Variants in GLE1 observed in about 807,000 individuals in gnomAD.
The protein encoded by GLE1 is GLE1 RNA export mediator, also known as mRNA export factor GLE1.
GLE1 carries 78 observed loss-of-function variants against 97.3 expected under a neutral mutation model. That is an observed-to-expected ratio of 0.80 (90% CI 0.67 to 0.97). GLE1 has a LOEUF of 0.97. Among genes scored for constraint, GLE1 ranks in the 50% least tolerant of loss-of-function variants. GLE1 has a pLI of 0.00. For synonymous variants in GLE1, 302 were observed against 313.4 expected, an observed-to-expected ratio of 0.96 and a Z score of 0.39; for missense variants, 753 against 857.5, an observed-to-expected ratio of 0.88 and a Z score of 1.52.
In GLE1 at chr9:128,541,997, T is replaced by A. The variant is rs1443413929; in HGVS notation, c.*827T>A. 6.6e-6 allele frequency: 1 copy of A among 152,228 alleles called. No homozygotes were observed. Among genetic ancestry groups the A allele is most frequent in the Non-Finnish European group, 1.5e-5 (1 of 68,054 alleles). The allele number at this position is 152,228 out of a possible 1,614,324, so 9.4% of individuals were successfully genotyped here. A position where few individuals can be genotyped will look rare whatever the true frequency, so the allele number is the denominator to read the frequency against. On this transcript the variant is annotated 3_prime_UTR_variant, in exon 16 of 16. Transcript: ENST00000309971. Reference sequence around the variant, plus strand: ...GCATTGAATTGGGATTAAATAAAGATGTTGGGCAGGAACTGAACACTGCTA... The same window carrying A: ...GCATTGAATTGGGATTAAATAAAGAAGTTGGGCAGGAACTGAACACTGCTA...
intron 12 of GLE1, among the ~76,000 whole-genome samples, chr9:128,537,186 T>C (rs1847736751): frequency 6.6e-6 from 1 of 151,692 alleles, no homozygotes; most frequent in Non-Finnish European, 1.5e-5. Context: ...GCGAGGTAGC[T>C]TCAGGCCTGA....
chr9:128,535,592 G>A (rs1433654312), intron 11 of GLE1, among the ~76,000 whole-genome samples: 3 of 151,502 alleles, frequency 2.0e-5, no homozygotes, highest in East Asian at 1.9e-4. Context: ...AGGCTGAGGC[G>A]GGCAGATCAC....
intron 9 of GLE1, among the ~76,000 whole-genome samples, chr9:128,530,342 GTAATCA>G (rs1847453859): frequency 6.6e-6 from 1 of 152,156 alleles, no homozygotes; most frequent in African/African-American, 2.4e-5. Context: ...TTTCTCTTGA[GTAATCA>G]GTAGCACCAT....
chr9:128,534,012 T>C lies in GLE1; in HGVS notation c.1646+61T>C, dbSNP rs1027398281. The C allele has an allele frequency of 3.5e-6, 4 of 1,128,450 alleles. No homozygotes were observed. In the East Asian group the frequency reaches 9.4e-5, roughly 26 times the overall value. 69.9% of individuals were successfully genotyped at this position (1,128,450 alleles called of 1,614,324 possible). The stretch of plus-strand genomic sequence containing the variant: ...AGTGATTAATGAAATATAAATAGAA[T>C]TGGAATTTGTTTTTCCCTCCTCACA... On this transcript the variant is annotated intron_variant, in intron 11 of 15. Transcript: ENST00000309971.
chr9:128,506,149 C>T (rs550884951), intron 1 of GLE1, among the ~76,000 whole-genome samples: 16 of 152,280 alleles, frequency 1.1e-4, no homozygotes, highest in African/African-American at 3.6e-4. Flanking sequence ...AGTTCGCGAC[C>T]AGCCTGGCCA....
At chr9:128,527,857 A>G (rs1246628718) in intron 9 of GLE1, among the ~76,000 whole-genome samples, 1 of 149,012 alleles carries the variant, frequency 6.7e-6, no homozygotes, top group African/African-American at 2.4e-5. Flanking sequence ...CCAGTTACTC[A>G]GGAGGCTGAG....
intron 4 of GLE1, 76 bp from the exon 5 acceptor site, chr9:128,523,204 A>T: frequency 9.5e-7 from 1 of 1,053,824 alleles, no homozygotes; most frequent in South Asian, 1.2e-5. Flanking sequence ...GGGCAGGGAG[A>T]GGGAGAGAAA....
intron 1 of GLE1, among the ~76,000 whole-genome samples, chr9:128,505,805 C>CT (rs1344183350): frequency 6.6e-6 from 1 of 152,088 alleles, no homozygotes; most frequent in Non-Finnish European, 1.5e-5. Flanking sequence ...TACCAGTATC[C>CT]TTTTTTCTGG....
chr9:128,524,937 T>C (rs1293358880), intron 6 of GLE1, among the ~76,000 whole-genome samples: 2 of 152,112 alleles, frequency 1.3e-5, no homozygotes, highest in Non-Finnish European at 2.9e-5. Flanking sequence ...TCTAACATAT[T>C]GTCACAAACT....
At position 128,537,992 on chromosome 9, in the gene GLE1, C is replaced by G; in HGVS notation, c.1783C>G (p.Pro595Ala). ...WPYGNRQEIH[P>A]HGLNHGWRWL... ...CAAGCTTCTCTACTCCCAGATTCAC[C>G]CTCATGGCTTAAATCATGGATGGCG... The change falls in exon 13 of 16, where the codon CCT (proline) becomes GCT (alanine). Residue 595 changes from proline (P) to alanine (A), a missense_variant. Pro to Ala is a conservative substitution (Grantham distance 27, BLOSUM62 -1). Transcript: ENST00000309971. 3 of 1,596,442 alleles carry G rather than the reference C, an allele frequency of 1.9e-6. No homozygotes were observed. Among genetic ancestry groups the G allele is most frequent in the Non-Finnish European group, 2.6e-6 (3 of 1,163,968 alleles).
intron 3 of GLE1, among the ~76,000 whole-genome samples, chr9:128,521,856 T>C (rs1217856153): frequency 6.6e-6 from 1 of 152,218 alleles, no homozygotes; most frequent in Non-Finnish European, 1.5e-5. Context: ...CAAATTTTGA[T>C]AGTTAAAATG....
chr9:128,527,517 C>T lies in GLE1; in HGVS notation c.1304C>T (p.Thr435Ile). The change falls in exon 9 of 16, where the codon ACC (threonine) becomes ATC (isoleucine). Residue 435 changes from threonine (T) to isoleucine (I), a missense_variant. Physicochemically the swap from Thr to Ile is moderately conservative, Grantham distance 89. Transcript: ENST00000309971. The part of the protein sequence containing the change: ...AATIPVSQIS[T>I]IAGSKLKEIF... ...ACCATCCCAGTGAGCCAAATCTCTACCATTGCAGGTTGGTCAGAGGGGTTG... is the reference window on the plus strand; with the variant it reads ...ACCATCCCAGTGAGCCAAATCTCTATCATTGCAGGTTGGTCAGAGGGGTTG... 1.9e-6 allele frequency: 3 copies of T among 1,606,296 alleles called. No homozygotes were observed. The highest frequency in any genetic ancestry group is 1.7e-6 in the Non-Finnish European group (2 of 1,172,870).
intron 8 of GLE1, 26 bp from the exon 9 acceptor site, chr9:128,527,427 ACTG>A: frequency 6.4e-7 from 1 of 1,554,228 alleles, no homozygotes; most frequent in East Asian, 2.2e-5. Flanking sequence ...TCTTCAGAAC[ACTG>A]CTTTCTCACT....
intron 1 of GLE1, among the ~76,000 whole-genome samples, chr9:128,508,293 T>G (rs1219769864): frequency 6.6e-6 from 1 of 152,030 alleles, no homozygotes; most frequent in Non-Finnish European, 1.5e-5. Context: ...TCCCAGCTGC[T>G]GGGGAGACTG....
chr9:128,531,824 T>G lies in GLE1; in HGVS notation c.1313-1689T>G, dbSNP rs536536482. Reference sequence around the variant, plus strand: ...TCTAGCCTGGGTGACAGAGTGAGACTCCAGCTCAAAAAAAAAAAAAAAAAA... The same window carrying G: ...TCTAGCCTGGGTGACAGAGTGAGACGCCAGCTCAAAAAAAAAAAAAAAAAA... On this transcript the variant is annotated intron_variant, in intron 9 of 15. Transcript: ENST00000309971. Among the ~76,000 whole-genome samples, 14 of 109,104 alleles carry G rather than the reference T, an allele frequency of 1.3e-4. No individual in the cohort carries two copies. In the South Asian group the frequency reaches 4.7e-3, roughly 37 times the overall value. 71.6% of individuals were successfully genotyped at this position (109,104 alleles called of 152,430 possible). A position where few individuals can be genotyped will look rare whatever the true frequency, so the allele number is the denominator to read the frequency against.
intron 6 of GLE1, among the ~76,000 whole-genome samples, chr9:128,524,436 G>T (rs1482274409): frequency 6.6e-6 from 1 of 150,892 alleles, no homozygotes; most frequent in African/African-American, 2.4e-5. Context: ...TGTTTCCCAG[G>T]CTGGTCTTGA....
At position 128,505,635 on chromosome 9, in the gene GLE1, G is replaced by A. The variant is rs188195961; in HGVS notation, c.99+731G>A. Among the ~76,000 whole-genome samples, 340 of 152,282 alleles carry A rather than the reference G, an allele frequency of 2.2e-3. 1 individual carries two copies. Among genetic ancestry groups the A allele is most frequent in the African/African-American group, 8.0e-3 (334 of 41,576 alleles). On this transcript the variant is annotated intron_variant, in intron 1 of 15. Coordinates refer to ENST00000309971, the MANE Select transcript of GLE1 (RefSeq NM_001003722.2). ...TTGGCAGGAATACCACAGAAATGATGCCATGGCTTTCTCAGTAAGTCACAT... is the reference window on the plus strand; with the variant it reads ...TTGGCAGGAATACCACAGAAATGATACCATGGCTTTCTCAGTAAGTCACAT...
At chr9:128,511,754 A>G (rs891621241) in intron 2 of GLE1, among the ~76,000 whole-genome samples, 7 of 152,150 alleles carry the variant, frequency 4.6e-5, no homozygotes, top group African/African-American at 1.7e-4. Flanking sequence ...ATAAAAAAAA[A>G]ACTGTAAGCC....
intron 1 of GLE1, among the ~76,000 whole-genome samples, chr9:128,508,137 G>T (rs1271233963): frequency 1.4e-5 from 2 of 142,840 alleles, no homozygotes; most frequent in Non-Finnish European, 3.0e-5. Flanking sequence ...CCAAGATCGT[G>T]CCATTGCACT....
Sources: allele counts gnomAD v4.1 joint callset (sites outside exome capture counted in the v4.1 genomes callset), GRCh38; gene constraint gnomAD v4.1.1; transcripts MANE v1.5; gene names NCBI Gene and HGNC (gene_info 2026-07-23, HGNC 2026-07-21).